The following WDR59 variants were observed in gnomAD, a reference collection of about 807,000 sequenced individuals.
The protein encoded by WDR59 is WD repeat domain 59, also known as GATOR2 complex protein WDR59.
Under a neutral mutation model 131.2 loss-of-function variants are expected in WDR59, and 100 were observed. The observed-to-expected ratio is 0.76, with a 90% CI of 0.65 to 0.90. The LOEUF is 0.90. WDR59 is among the 40% of genes least tolerant of loss of function. The pLI, the probability that WDR59 is intolerant of heterozygous loss-of-function variation, is 0.00. For missense variants in WDR59, 1,203 were observed against 1,262.2 expected (o/e 0.95, Z 0.71); for synonymous variants, 601 against 466.2 (o/e 1.29, Z -3.72).
At chr16:74,978,653 G>A (rs892426708) in intron 1 of WDR59, among the ~76,000 whole-genome samples, 2 of 152,164 alleles carry the variant, frequency 1.3e-5, no homozygotes, top group Admixed American at 6.6e-5. Context: ...TTGGAGTGAT[G>A]GAAACGTTCT....
At chr16:74,936,349 T>A (rs1597749112) in intron 8 of WDR59, among the ~76,000 whole-genome samples, 1 of 152,004 alleles carries the variant, frequency 6.6e-6, no homozygotes, top group African/African-American at 2.4e-5. Context: ...AAAAAATATA[T>A]AAAGTCCTCC....
intron 25 of WDR59, among the ~76,000 whole-genome samples, chr16:74,884,931 C>T (rs562134859): frequency 2.6e-5 from 4 of 152,278 alleles, no homozygotes; most frequent in Admixed American, 6.5e-5. Context: ...TAAGATTCTC[C>T]CTCTCTGTTC....
At chr16:74,975,392 G>A (rs912328412) in intron 1 of WDR59, among the ~76,000 whole-genome samples, 1 of 151,468 alleles carries the variant, frequency 6.6e-6, no homozygotes, top group African/African-American at 2.4e-5. Flanking sequence ...GCTGGGCACA[G>A]TGGCTTATGC....
intron 19 of WDR59, among the ~76,000 whole-genome samples, chr16:74,893,473 C>T (rs375105279): frequency 2.0e-4 from 30 of 152,200 alleles, no homozygotes; most frequent in South Asian, 1.5e-3. Context: ...TCCAGACTCG[C>T]GACCCACAAA....
chr16:74,905,904 C>G (rs1259047970), intron 17 of WDR59, among the ~76,000 whole-genome samples: 1 of 151,838 alleles, frequency 6.6e-6, no homozygotes, highest in Non-Finnish European at 1.5e-5. Flanking sequence ...ATACAGTTCC[C>G]CCAAAATGGG....
intron 25 of WDR59, among the ~76,000 whole-genome samples, chr16:74,885,007 T>C (rs1033756367): frequency 1.3e-5 from 2 of 152,106 alleles, no homozygotes; most frequent in Non-Finnish European, 1.5e-5. Context: ...TACTTAATTT[T>C]CCCCCCTACT....
At chr16:74,961,512 C>T (rs1056240516) in intron 2 of WDR59, among the ~76,000 whole-genome samples, 1 of 152,144 alleles carries the variant, frequency 6.6e-6, no homozygotes, top group Non-Finnish European at 1.5e-5. Context: ...GATGGTCTCT[C>T]ATTGTGGTTT....
chr16:74,896,152 G>A (rs954520038), intron 18 of WDR59, among the ~76,000 whole-genome samples: 1 of 152,036 alleles, frequency 6.6e-6, no homozygotes, highest in Non-Finnish European at 1.5e-5. Flanking sequence ...ATCTAATTTG[G>A]TCTTCTGGAT....
intron 11 of WDR59, among the ~76,000 whole-genome samples, chr16:74,917,438 C>T (rs1428890693): frequency 6.6e-6 from 1 of 152,168 alleles, no homozygotes; most frequent in East Asian, 1.9e-4. Context: ...GTGCTGAATA[C>T]TGAAGTTGGT....
chr16:74,917,995 A>ACCC lies in WDR59; in HGVS notation c.899_900insGGG (p.Tyr300delinsTer). 6.2e-7 allele frequency: 1 copy of ACCC among 1,613,866 alleles called. No homozygotes were observed. Among genetic ancestry groups the ACCC allele is most frequent in the South Asian group, 1.1e-5 (1 of 91,070 alleles). ...GATCCCGGGACCACGTCACCAGTTGATAGTCCTTGGACCCTAGAAATCACC... is the reference window on the plus strand; with the variant it reads ...GATCCCGGGACCACGTCACCAGTTGACCCTAGTCCTTGGACCCTAGAAATCACC... On this transcript the variant is annotated stop_gained, in exon 11 of 26. Coordinates refer to ENST00000262144, the MANE Select transcript of WDR59 (RefSeq NM_030581.4). LOFTEE classifies it high-confidence loss of function.
intron 13 of WDR59, chr16:74,915,391 T>A (rs1385878710): frequency 6.6e-6 from 1 of 152,210 alleles, no homozygotes; most frequent in Non-Finnish European, 1.5e-5. Flanking sequence ...AAAGTCTGCA[T>A]CTCTTTATTT....
chr16:74,917,438 C>G (rs1428890693), intron 11 of WDR59, among the ~76,000 whole-genome samples: 1 of 152,168 alleles, frequency 6.6e-6, no homozygotes, highest in Non-Finnish European at 1.5e-5. Flanking sequence ...GTGCTGAATA[C>G]TGAAGTTGGT....
At chr16:74,917,810 A>G (rs1214344373) in intron 11 of WDR59, 119 bp downstream of exon 11, 1 of 43,256 alleles carries the variant, frequency 2.3e-5, no homozygotes, top group Non-Finnish European at 3.8e-5. Context: ...CGCACTCTCA[A>G]AAAAAAAAAA....
chr16:74,874,138 CCT>C lies in WDR59; in HGVS notation c.*69_*70del. 7.4e-7 allele frequency: 1 copy of C among 1,350,048 alleles called. No homozygotes were observed. Among genetic ancestry groups the C allele is most frequent in the Non-Finnish European group, 1.0e-6 (1 of 976,370 alleles). 83.6% of individuals were successfully genotyped at this position (1,350,048 alleles called of 1,614,324 possible). ...CGAACCCAGGTTCTGGAGCCTCTCC[CCT>C]GACAGACAGCTTGTCACCGGCACTT... On this transcript the variant is annotated 3_prime_UTR_variant, in exon 26 of 26. Transcript: ENST00000262144.
chr16:74,901,043 A>G (rs1965523849), intron 18 of WDR59, among the ~76,000 whole-genome samples: 2 of 152,246 alleles, frequency 1.3e-5, no homozygotes, highest in Non-Finnish European at 1.5e-5. Flanking sequence ...GGATGCAGTG[A>G]GCAGAGACCG....
chr16:74,913,458 C>T (rs1348393854), intron 13 of WDR59, among the ~76,000 whole-genome samples: 1 of 151,668 alleles, frequency 6.6e-6, no homozygotes, highest in Non-Finnish European at 1.5e-5. Flanking sequence ...TGTTGTTTTG[C>T]TTTTTGTGTT....
At chr16:74,897,933 G>T (rs778524694) in intron 18 of WDR59, among the ~76,000 whole-genome samples, 3 of 152,182 alleles carry the variant, frequency 2.0e-5, no homozygotes, top group Admixed American at 6.5e-5. Context: ...TAACGAGGCT[G>T]TCTAGCTGGA....
In WDR59 at chr16:74,921,933, C is replaced by G; in HGVS notation, c.886+14G>C. On this transcript the variant is annotated intron_variant, in intron 10 of 25. Coordinates refer to ENST00000262144, the MANE Select transcript of WDR59 (RefSeq NM_030581.4). ...GCTCAGAAGGAAAGTGGGCAGCAGG[C>G]CTCTCCCACTCACCTTCCTTCTGCT... 2 of 1,612,192 alleles carry G rather than the reference C, an allele frequency of 1.2e-6. No homozygotes were observed. The highest frequency in any genetic ancestry group is 1.7e-6 in the Non-Finnish European group (2 of 1,179,294).
In WDR59 at chr16:74,908,990, A is replaced by T. The variant is rs1268244146; in HGVS notation, c.1643-13T>A. The T allele has an allele frequency of 1.9e-6, 3 of 1,611,774 alleles. No individual in the cohort carries two copies. The highest frequency in any genetic ancestry group is 2.5e-6 in the Non-Finnish European group (3 of 1,178,850). On this transcript the variant is annotated splice_polypyrimidine_tract_variant and intron_variant, in intron 16 of 25. Coordinates refer to ENST00000262144, the MANE Select transcript of WDR59 (RefSeq NM_030581.4). ...TATACCAGGTAACCTAAAGGAGGAG[A>T]CATCACATGAGCCATCAGTGTCAAC... is the stretch of plus-strand genomic sequence containing the variant.
Sources: gnomAD v4.1 joint callset for allele counts (sites outside exome capture counted in the v4.1 genomes callset) on GRCh38, gnomAD v4.1.1 for gene constraint, MANE v1.5 for transcripts, NCBI Gene and HGNC (gene_info 2026-07-23, HGNC 2026-07-21) for gene names.